Variants in ZBTB20 observed in about 807,000 individuals in gnomAD.
ZBTB20 encodes zinc finger and BTB domain containing 20.
In ZBTB20, 9 loss-of-function variants were observed where a neutral mutation model predicts 56.9. That is an observed-to-expected ratio of 0.16 (90% CI 0.10 to 0.28). The LOEUF is 0.28. Among genes scored for constraint, ZBTB20 ranks in the 10% least tolerant of loss-of-function variants. The probability of loss-of-function intolerance (pLI) is 1.00; values close to 1 mark genes in which losing one functional copy is unlikely to be tolerated. For synonymous variants in ZBTB20, 417 were observed against 420.7 expected (o/e 0.99, Z 0.11); for missense variants, 655 against 1,003.0 (o/e 0.65, Z 4.69).
chr3:114,502,572 G>A (rs1339663221), intron 6 of ZBTB20, among the ~76,000 whole-genome samples: 3 of 152,090 alleles, frequency 2.0e-5, no homozygotes, highest in Non-Finnish European at 4.4e-5. Context: ...AAAATTTTAG[G>A]CAAGAGAATT....
At chr3:114,977,158 CA>C (rs2078136204) in intron 2 of ZBTB20, among the ~76,000 whole-genome samples, 1 of 152,218 alleles carries the variant, frequency 6.6e-6, no homozygotes, top group Non-Finnish European at 1.5e-5. Flanking sequence ...CTGACTCCAT[CA>C]GATTAACACA....
intron 2 of ZBTB20, among the ~76,000 whole-genome samples, chr3:115,043,014 T>G (rs1706057944): frequency 6.6e-6 from 1 of 152,220 alleles, no homozygotes; most frequent in Non-Finnish European, 1.5e-5. Context: ...ATGTCATTAG[T>G]AAAAATTTTC....
intron 5 of ZBTB20, among the ~76,000 whole-genome samples, chr3:114,722,531 GAGAT>G (rs1190092054): frequency 2.6e-5 from 4 of 152,208 alleles, no homozygotes; most frequent in Non-Finnish European, 4.4e-5. Flanking sequence ...TAATTGCAGG[GAGAT>G]AGATCAGTTG....
chr3:114,445,561 C>T (rs553563404), intron 7 of ZBTB20: 2 of 152,260 alleles, frequency 1.3e-5, no homozygotes, highest in South Asian at 4.1e-4. Flanking sequence ...ATTTTAAGTT[C>T]TTCAGCTGGA....
intron 2 of ZBTB20, among the ~76,000 whole-genome samples, chr3:115,019,063 T>C (rs2080096378): frequency 6.6e-6 from 1 of 151,354 alleles, no homozygotes; most frequent in African/African-American, 2.4e-5. Flanking sequence ...CATCAATTTA[T>C]GGTTTGAAAT....
At chr3:114,588,519 G>A (rs1190692335) in intron 6 of ZBTB20, among the ~76,000 whole-genome samples, 1 of 152,094 alleles carries the variant, frequency 6.6e-6, no homozygotes, top group African/African-American at 2.4e-5. Context: ...CACAAGAGTG[G>A]TTTTAGCTTA....
At position 114,787,368 on chromosome 3, in the gene ZBTB20, T is replaced by TATATATACATAC. The variant is rs1433434685; in HGVS notation, c.-343+13732_-343+13733insGTATGTATATAT. The stretch of plus-strand genomic sequence containing the variant: ...ATATATATATATATATATATATATA[T>TATATATACATAC]ACACACACACACACACACACACACA... On this transcript the variant is annotated intron_variant, in intron 5 of 11. Coordinates refer to ENST00000675478, the MANE Select transcript of ZBTB20 (RefSeq NM_001348800.3). 6.3e-4 allele frequency among the ~76,000 whole-genome samples: 67 copies of TATATATACATAC among 106,306 alleles called. 1 individual carries two copies. The highest frequency in any genetic ancestry group is 3.0e-3 in the African/African-American group (66 of 22,046). 69.7% of individuals were successfully genotyped at this position (106,306 alleles called of 152,430 possible).
intron 4 of ZBTB20, among the ~76,000 whole-genome samples, chr3:114,895,335 T>C (rs2074830471): frequency 2.0e-5 from 3 of 152,194 alleles, no homozygotes; most frequent in Non-Finnish European, 4.4e-5. Context: ...TCATCAAGCA[T>C]GGGTTCTTCA....
intron 5 of ZBTB20, among the ~76,000 whole-genome samples, chr3:114,724,064 G>A (rs1326385000): frequency 3.3e-5 from 5 of 151,466 alleles, no homozygotes; most frequent in South Asian, 2.1e-4. Context: ...TAGTAGAGAC[G>A]GGGTTTCACC....
intron 7 of ZBTB20, among the ~76,000 whole-genome samples, chr3:114,495,894 C>T (rs1310975989): frequency 1.3e-5 from 2 of 152,170 alleles, no homozygotes; most frequent in Admixed American, 6.5e-5. Flanking sequence ...ATAGGCAAAG[C>T]CCTTCTGCTT....
intron 6 of ZBTB20, among the ~76,000 whole-genome samples, chr3:114,507,025 C>A: frequency 6.6e-6 from 1 of 152,230 alleles, no homozygotes; most frequent in Middle Eastern, 3.4e-3. Flanking sequence ...ACAGAGATGA[C>A]AGAAGAAAGT....
chr3:114,689,377 G>T (rs537163631), intron 6 of ZBTB20, among the ~76,000 whole-genome samples: 5 of 152,240 alleles, frequency 3.3e-5, no homozygotes, highest in South Asian at 2.1e-4. Context: ...GTTGGTGGGG[G>T]TATCTGCCAA....
intron 5 of ZBTB20, among the ~76,000 whole-genome samples, chr3:114,776,619 G>A (rs1345162947): frequency 6.6e-6 from 1 of 152,206 alleles, no homozygotes; most frequent in African/African-American, 2.4e-5. Flanking sequence ...GATGGTTTAA[G>A]TCACCAGGCT....
intron 5 of ZBTB20, among the ~76,000 whole-genome samples, chr3:114,739,072 C>T (rs1050445560): frequency 3.3e-5 from 5 of 152,096 alleles, no homozygotes; most frequent in African/African-American, 4.8e-5. Flanking sequence ...GCCTGGCCAT[C>T]GTGCCAACGT....
At chr3:114,369,069 C>T (rs1216873481) in intron 10 of ZBTB20, among the ~76,000 whole-genome samples, 2 of 152,224 alleles carry the variant, frequency 1.3e-5, no homozygotes, top group Admixed American at 6.5e-5. Flanking sequence ...AACTTATATG[C>T]ACCTTTCTTT....
chr3:114,735,936 G>C (rs1305647151), intron 5 of ZBTB20, among the ~76,000 whole-genome samples: 2 of 152,150 alleles, frequency 1.3e-5, no homozygotes, highest in Non-Finnish European at 2.9e-5. Context: ...CTCTATGATG[G>C]TAACGTTTCA....
At chr3:114,364,049 T>C (rs2082145474) in intron 10 of ZBTB20, among the ~76,000 whole-genome samples, 1 of 119,396 alleles carries the variant, frequency 8.4e-6, no homozygotes, top group Non-Finnish European at 1.8e-5. Flanking sequence ...TTTCCCAAAA[T>C]AAACTTCACT....
At chr3:114,597,214 C>A (rs1039675988) in intron 6 of ZBTB20, among the ~76,000 whole-genome samples, 3 of 152,118 alleles carry the variant, frequency 2.0e-5, no homozygotes, top group South Asian at 4.1e-4. Flanking sequence ...AAAGTAGTGA[C>A]CCCTAGTGGG....
At chr3:114,497,217 T>C (rs963989349) in intron 7 of ZBTB20, among the ~76,000 whole-genome samples, 3 of 152,228 alleles carry the variant, frequency 2.0e-5, no homozygotes, top group Non-Finnish European at 2.9e-5. Flanking sequence ...ACCTTTGACC[T>C]GGTCTCCCTA....
Sources: gnomAD v4.1 joint callset for allele counts (sites outside exome capture counted in the v4.1 genomes callset) on GRCh38, gnomAD v4.1.1 for gene constraint, MANE v1.5 for transcripts, NCBI Gene and HGNC (gene_info 2026-07-23, HGNC 2026-07-21) for gene names.